Variants in KIF18A observed in about 807,000 individuals in gnomAD.
KIF18A encodes the protein kinesin-like protein KIF18A.
Under a neutral mutation model 103.3 loss-of-function variants are expected in KIF18A, and 67 were observed. The ratio of observed to expected loss-of-function variants is 0.65; its 90% CI spans 0.53 to 0.79. The LOEUF (loss-of-function observed/expected upper bound fraction) is 0.79, where lower values mean the gene tolerates loss of function less well. Among genes scored for constraint, KIF18A ranks in the 30% least tolerant of loss-of-function variants. The pLI is 0.00. For synonymous variants in KIF18A, 367 were observed against 355.5 expected (o/e 1.03, Z -0.36); for missense variants, 1,032 against 1,062.5 (o/e 0.97, Z 0.40).
At chr11:28,046,488 T>A (rs1356991938) in intron 13 of KIF18A, among the ~76,000 whole-genome samples, 2 of 137,140 alleles carry the variant, frequency 1.5e-5, no homozygotes, top group African/African-American at 5.6e-5. Flanking sequence ...TAGGTGGGAA[T>A]TGAACAATGA....
At chr11:28,084,893 A>T (rs1851208172) in intron 6 of KIF18A, 85 bp from the exon 7 acceptor site, 1 of 966,190 alleles carries the variant, frequency 1.0e-6, no homozygotes. Flanking sequence ...CTGTGGGGGG[A>T]GGATTACCTA....
At chr11:28,043,630 T>TA (rs36163975) in intron 13 of KIF18A, among the ~76,000 whole-genome samples, 43,478 of 151,284 alleles carry the variant, frequency 0.29, 7,070 homozygotes, top group African/African-American at 0.43. Flanking sequence ...TTTGATGATA[T>TA]AAAAAAATGT....
rs1448811977 is a variant in KIF18A, at chr11:28,091,457, C to T, written c.540G>A (p.Arg180=). ...CGACCACCCCTTTTTGGGTATCTTC[C>T]CGGACAGCAAGTGGCCCTGAATTTA... ...LLVNSGPLAV[R]EDTQKGVVVH... Residue 180 remains arginine, a synonymous_variant, in exon 4 of 17, where the codon CGG becomes CGA. Transcript: ENST00000263181. 3 of 1,611,714 alleles carry T rather than the reference C, an allele frequency of 1.9e-6. No homozygotes were observed. Among genetic ancestry groups the T allele is most frequent in the Admixed American group, 3.3e-5 (2 of 59,922 alleles).
intron 13 of KIF18A, among the ~76,000 whole-genome samples, chr11:28,053,899 T>C (rs1159809459): frequency 6.7e-6 from 1 of 149,340 alleles, no homozygotes; most frequent in Non-Finnish European, 1.5e-5. Context: ...ATTAAAAATA[T>C]TTTAACATCA....
At chr11:28,078,356 ATAAGT>A (rs1487140453) in intron 9 of KIF18A, among the ~76,000 whole-genome samples, 1 of 152,174 alleles carries the variant, frequency 6.6e-6, no homozygotes, top group Non-Finnish European at 1.5e-5. Flanking sequence ...AAATGAATTG[ATAAGT>A]TATCTTTAGG....
intron 6 of KIF18A, among the ~76,000 whole-genome samples, 190 bp downstream of exon 6, chr11:28,088,333 AT>A (rs1851258184): frequency 6.6e-6 from 1 of 152,142 alleles, no homozygotes; most frequent in African/African-American, 2.4e-5. Flanking sequence ...AAAACTGGAA[AT>A]TAAAAAAGAA....
intron 15 of KIF18A, among the ~76,000 whole-genome samples, chr11:28,028,195 A>G (rs1426663943): frequency 2.0e-5 from 3 of 152,048 alleles, no homozygotes; most frequent in Non-Finnish European, 4.4e-5. Flanking sequence ...ACGTCTACAG[A>G]ACTCTCCACC....
At chr11:28,040,250 T>C (rs1042892619) in intron 13 of KIF18A, among the ~76,000 whole-genome samples, 2 of 151,632 alleles carry the variant, frequency 1.3e-5, no homozygotes, top group African/African-American at 4.8e-5. Flanking sequence ...AGTTGGGGGA[T>C]CAGAAAGTTC....
intron 11 of KIF18A, among the ~76,000 whole-genome samples, chr11:28,063,400 C>CT (rs1363628647): frequency 6.6e-6 from 1 of 151,952 alleles, no homozygotes; most frequent in Non-Finnish European, 1.5e-5. Flanking sequence ...TCTCCTTTAT[C>CT]TTCTTGAATC....
chr11:28,062,505 T>C lies in KIF18A; in HGVS notation c.1602A>G (p.Lys534=). 3 of 1,610,556 alleles carry C rather than the reference T, an allele frequency of 1.9e-6. No individual in the cohort carries two copies. The highest frequency in any genetic ancestry group is 2.2e-5 in the East Asian group (1 of 44,732). Residue 534 remains lysine (K), a synonymous_variant, in exon 12 of 17, where the codon AAA becomes AAG. Transcript: ENST00000263181. Reference sequence around the variant, plus strand: ...GGTGCAAATGGTGACAATGAAGATCTTTCTTGAGTTCCTAGGGCAAACAAT... The same window carrying C: ...GGTGCAAATGGTGACAATGAAGATCCTTCTTGAGTTCCTAGGGCAAACAAT... ...QNGHIPKELK[K]DLHCHHLHLQ...
chr11:28,024,221 T>C (rs936212118), intron 15 of KIF18A, among the ~76,000 whole-genome samples: 3 of 145,598 alleles, frequency 2.1e-5, no homozygotes, highest in Non-Finnish European at 3.0e-5. Flanking sequence ...ACTAAGCTCA[T>C]GTTACAAATT....
intron 11 of KIF18A, among the ~76,000 whole-genome samples, chr11:28,066,709 T>G (rs1214115083): frequency 6.6e-6 from 1 of 151,100 alleles, no homozygotes; most frequent in African/African-American, 2.4e-5. Context: ...GAAGAAAATC[T>G]ACACAGCTTT....
At chr11:28,041,382 G>C (rs1397448417) in intron 13 of KIF18A, among the ~76,000 whole-genome samples, 1 of 151,558 alleles carries the variant, frequency 6.6e-6, no homozygotes, top group Non-Finnish European at 1.5e-5. Context: ...GAAGATCTGG[G>C]GGAAAAGGCA....
intron 1 of KIF18A, among the ~76,000 whole-genome samples, chr11:28,106,979 G>T (rs189499878): frequency 7.9e-5 from 12 of 152,118 alleles, no homozygotes; most frequent in African/African-American, 2.9e-4. Context: ...TCAAATAAAT[G>T]AATAAATAAT....
At chr11:28,086,833 T>C (rs984801907) in intron 6 of KIF18A, among the ~76,000 whole-genome samples, 4 of 152,188 alleles carry the variant, frequency 2.6e-5, no homozygotes, top group African/African-American at 9.6e-5. Context: ...TTAGTTCATA[T>C]GGCAAAAATC....
intron 3 of KIF18A, among the ~76,000 whole-genome samples, chr11:28,092,008 G>A (rs1252462590): frequency 2.0e-5 from 3 of 152,114 alleles, no homozygotes; most frequent in Non-Finnish European, 4.4e-5. Context: ...GTGGAGACAG[G>A]GTTTCACCAT....
At position 28,029,479 on chromosome 11, in the gene KIF18A, G is replaced by A. The variant is rs1282098001; in HGVS notation, c.2505-5629C>T. ...AAAAGGCCTTTGACAAAATTCAACAGCCCTTCATGCTAAAAACTCTCAATA... is the reference window on the plus strand; with the variant it reads ...AAAAGGCCTTTGACAAAATTCAACAACCCTTCATGCTAAAAACTCTCAATA... On this transcript the variant is annotated intron_variant, in intron 15 of 16. Transcript: ENST00000263181. Among the ~76,000 whole-genome samples, 24 of 151,992 alleles carry A rather than the reference G, an allele frequency of 1.6e-4. 2 individuals carry two copies. In the South Asian group the frequency reaches 2.5e-3, roughly 16 times the overall value.
chr11:28,088,873 A>AT, intron 5 of KIF18A, 152 bp from the exon 6 acceptor site: 1 of 641,086 alleles, frequency 1.6e-6, no homozygotes, highest in Non-Finnish European at 2.7e-6. Context: ...TAAGAGCACT[A>AT]TAAGTAATCA....
intron 13 of KIF18A, among the ~76,000 whole-genome samples, chr11:28,054,667 T>C (rs1403224907): frequency 6.6e-6 from 1 of 152,204 alleles, no homozygotes; most frequent in East Asian, 1.9e-4. Flanking sequence ...ACAACATACA[T>C]AATTCATGAA....
Sources: allele counts gnomAD v4.1 joint callset (sites outside exome capture counted in the v4.1 genomes callset), GRCh38; gene constraint gnomAD v4.1.1; transcripts MANE v1.5; gene names NCBI Gene and HGNC (gene_info 2026-07-23, HGNC 2026-07-21).